The following KCNT2 variants were observed in gnomAD, a reference collection of about 807,000 sequenced individuals.
KCNT2 encodes the protein potassium channel subfamily T member 2.
Under a neutral mutation model 153.8 loss-of-function variants are expected in KCNT2, and 67 were observed. The ratio of observed to expected loss-of-function variants is 0.44; its 90% CI spans 0.36 to 0.53. KCNT2 has a LOEUF of 0.53. Ranked by LOEUF, KCNT2 falls within the 20% of genes least tolerant of loss-of-function variation. KCNT2 has a pLI of 0.00. For missense variants in KCNT2, 975 were observed against 1,354.8 expected (o/e 0.72, Z 4.40); for synonymous variants, 500 against 458.8 (o/e 1.09, Z -1.15).
chr1:196,270,748 CGTGT>C (rs976651447), intron 25 of KCNT2, among the ~76,000 whole-genome samples: 2 of 151,144 alleles, frequency 1.3e-5, no homozygotes, highest in African/African-American at 4.9e-5. Context: ...TGTGTGTGTG[CGTGT>C]AAGTGTAGAA....
At position 196,428,276 on chromosome 1, in the gene KCNT2, T is replaced by C. The variant is rs767339818; in HGVS notation, c.820-7A>G. On this transcript the variant is annotated splice_region_variant and splice_polypyrimidine_tract_variant and intron_variant, in intron 9 of 27. Coordinates refer to ENST00000294725, the MANE Select transcript of KCNT2 (RefSeq NM_198503.5). ...AATAAGCCAGCTGTTCAAACTGTAA[T>C]ATATTTTCCACATGTGAATGAAAAA... 2 of 1,606,224 alleles carry C rather than the reference T, an allele frequency of 1.2e-6. No homozygotes were observed. The highest frequency in any genetic ancestry group is 2.2e-5 in the East Asian group (1 of 44,684).
intron 13 of KCNT2, among the ~76,000 whole-genome samples, chr1:196,376,233 T>C (rs1668957766): frequency 6.6e-6 from 1 of 151,854 alleles, no homozygotes; most frequent in Non-Finnish European, 1.5e-5. Flanking sequence ...TTCTAATACA[T>C]CCATAATTCT....
chr1:196,354,060 T>C (rs1354623257), intron 14 of KCNT2, among the ~76,000 whole-genome samples: 2 of 151,924 alleles, frequency 1.3e-5, no homozygotes, highest in African/African-American at 4.8e-5. Flanking sequence ...TATGAACCTG[T>C]ATGTTTTTGT....
chr1:196,258,710 C>A, intron 25 of KCNT2: 1 of 587,410 alleles, frequency 1.7e-6, no homozygotes, highest in Non-Finnish European at 3.0e-6. Context: ...AAAATAAATA[C>A]CTGTATCCTC....
At chr1:196,409,909 C>T (rs991839171) in intron 12 of KCNT2, among the ~76,000 whole-genome samples, 1 of 151,588 alleles carries the variant, frequency 6.6e-6, no homozygotes, top group Non-Finnish European at 1.5e-5. Flanking sequence ...TTTATATATC[C>T]ACAACCAGTG....
chr1:196,507,612 C>G (rs545686625), intron 1 of KCNT2, among the ~76,000 whole-genome samples: 1 of 151,972 alleles, frequency 6.6e-6, no homozygotes, highest in Non-Finnish European at 1.5e-5. Context: ...GCTCCTGGAC[C>G]AGTTTTAATG....
intron 1 of KCNT2, among the ~76,000 whole-genome samples, chr1:196,528,051 A>G (rs1315419047): frequency 6.6e-6 from 1 of 152,250 alleles, no homozygotes. Context: ...TCAGTGCTAT[A>G]GAACAATGAC....
intron 8 of KCNT2, among the ~76,000 whole-genome samples, chr1:196,436,355 G>A (rs1171953626): frequency 4.0e-5 from 6 of 151,518 alleles, no homozygotes; most frequent in African/African-American, 1.5e-4. Context: ...ATTGTAGGAA[G>A]GAAGAGAAGA....
At chr1:196,481,385 T>C (rs1281136906) in intron 4 of KCNT2, among the ~76,000 whole-genome samples, 2 of 152,160 alleles carry the variant, frequency 1.3e-5, no homozygotes, top group Non-Finnish European at 2.9e-5. Context: ...GTGATGGATA[T>C]AGTGAAAAGC....
chr1:196,489,362 A>G (rs1219790436), intron 3 of KCNT2, among the ~76,000 whole-genome samples: 1 of 152,008 alleles, frequency 6.6e-6, no homozygotes, highest in Non-Finnish European at 1.5e-5. Flanking sequence ...ACCACAGAAA[A>G]CAAAATAAAT....
chr1:196,475,040 T>C lies in KCNT2; in HGVS notation c.384+4139A>G, dbSNP rs1370165753. ...TAAACTATTTTAGTAGCTAATGATT[T>C]AGTTATGCTTATTTTAGAATGTCTA... On this transcript the variant is annotated intron_variant, in intron 5 of 27. Coordinates refer to ENST00000294725, the MANE Select transcript of KCNT2 (RefSeq NM_198503.5). Among the ~76,000 whole-genome samples, 11 of 152,208 alleles carry C rather than the reference T, an allele frequency of 7.2e-5. 1 individual carries two copies. The highest frequency in any genetic ancestry group is 6.5e-4 in the Admixed American group (10 of 15,278).
chr1:196,257,737 G>T (rs1656639790), intron 26 of KCNT2: 1 of 984,098 alleles, frequency 1.0e-6, no homozygotes. Flanking sequence ...AGTTTTTGAA[G>T]ATTTTGTTTC....
rs914737350 is a variant in KCNT2 at position 196,465,846 on chromosome 1, G to GA, written c.544-460dup. The stretch of plus-strand genomic sequence containing the variant: ...TAGCCCAGACAGTTTATTTTGAAAA[G>GA]AAAAAAAAATAAAATAGCCAATAAA... On this transcript the variant is annotated intron_variant, in intron 7 of 27. Coordinates refer to ENST00000294725, the MANE Select transcript of KCNT2 (RefSeq NM_198503.5). 3.8e-4 allele frequency among the ~76,000 whole-genome samples: 56 copies of GA among 148,522 alleles called. No homozygotes were observed. The East Asian group carries it at 6.9e-3, about 18-fold the overall frequency.
intron 22 of KCNT2, among the ~76,000 whole-genome samples, chr1:196,298,603 T>C (rs1158633148): frequency 2.0e-5 from 3 of 151,906 alleles, no homozygotes; most frequent in Non-Finnish European, 4.4e-5. Context: ...TTTCAGTTTT[T>C]ATTGAGGCTT....
intron 8 of KCNT2, among the ~76,000 whole-genome samples, chr1:196,451,434 G>GTTT: frequency 9.6e-6 from 1 of 103,850 alleles, no homozygotes; most frequent in East Asian, 2.9e-4. Context: ...TTTTTTTTTG[G>GTTT]ATTTTAGTAG....
At chr1:196,534,070 C>A (rs1655257777) in intron 1 of KCNT2, among the ~76,000 whole-genome samples, 1 of 151,290 alleles carries the variant, frequency 6.6e-6, no homozygotes. Flanking sequence ...GCATTCAGTG[C>A]ACAAAAACTT....
intron 13 of KCNT2, among the ~76,000 whole-genome samples, chr1:196,377,338 T>G (rs192706357): frequency 3.4e-4 from 52 of 151,954 alleles, no homozygotes; most frequent in Admixed American, 1.6e-3. Context: ...TACATTTTTT[T>G]TGGTGGGGGG....
At chr1:196,284,651 G>C (rs1257780835) in intron 23 of KCNT2, among the ~76,000 whole-genome samples, 1 of 151,886 alleles carries the variant, frequency 6.6e-6, no homozygotes, top group Non-Finnish European at 1.5e-5. Flanking sequence ...AGTGTTTGGA[G>C]TGGGAGCCCT....
chr1:196,472,054 T>C (rs1204617955), intron 5 of KCNT2, among the ~76,000 whole-genome samples: 1 of 152,182 alleles, frequency 6.6e-6, no homozygotes, highest in East Asian at 1.9e-4. Flanking sequence ...TGTAGACTTT[T>C]GCCCACATCT....
Sources: gnomAD v4.1 joint callset for allele counts (sites outside exome capture counted in the v4.1 genomes callset) on GRCh38, gnomAD v4.1.1 for gene constraint, MANE v1.5 for transcripts, NCBI Gene and HGNC (gene_info 2026-07-23, HGNC 2026-07-21) for gene names.